PCDHGA10: variants seen among roughly 807,000 people sequenced by gnomAD.
PCDHGA10 encodes protocadherin gamma-A10.
Under a neutral mutation model 59.5 loss-of-function variants are expected in PCDHGA10, and 42 were observed. The ratio of observed to expected loss-of-function variants is 0.71; its 90% CI spans 0.55 to 0.91. PCDHGA10 has a LOEUF of 0.91. Among genes scored for constraint, PCDHGA10 ranks in the 40% least tolerant of loss-of-function variants. PCDHGA10 has a pLI of 0.00. For synonymous variants in PCDHGA10, 511 were observed against 517.2 expected, an observed-to-expected ratio of 0.99 and a Z score of 0.16; for missense variants, 1,111 against 1,198.2, an observed-to-expected ratio of 0.93 and a Z score of 1.07.
chr5:141,478,319 T>A, intron 1 of PCDHGA10: 4 of 1,614,052 alleles, frequency 2.5e-6, no homozygotes, highest in Non-Finnish European at 3.4e-6. Flanking sequence ...GAGCTCACTG[T>A]ACCGAACACC....
intron 1 of PCDHGA10, chr5:141,419,278 A>G: frequency 6.2e-7 from 1 of 1,614,038 alleles, no homozygotes; most frequent in Non-Finnish European, 8.5e-7. Context: ...CCATAGCGCA[A>G]GTCAGTGCCT....
intron 1 of PCDHGA10, among the ~76,000 whole-genome samples, chr5:141,456,968 A>AAAAC (rs202005606): frequency 1.3e-4 from 20 of 152,282 alleles, no homozygotes; most frequent in Middle Eastern, 3.4e-3. Flanking sequence ...ATCTCAAAAC[A>AAAAC]AAACAAACAA....
intron 1 of PCDHGA10, chr5:141,428,732 T>C (rs976924838): frequency 1.3e-5 from 2 of 159,284 alleles, no homozygotes; most frequent in African/African-American, 4.8e-5. Context: ...CTTAAACATA[T>C]TATATCTACT....
chr5:141,454,798 T>A (rs866302149), intron 1 of PCDHGA10, among the ~76,000 whole-genome samples: 2 of 58,950 alleles, frequency 3.4e-5, no homozygotes, highest in Non-Finnish European at 6.4e-5. Context: ...TGGTTCTAAT[T>A]TTTTTTTTTT....
intron 1 of PCDHGA10, chr5:141,427,892 C>A (rs752723370): frequency 9.9e-5 from 155 of 1,567,044 alleles, no homozygotes; most frequent in Non-Finnish European, 1.3e-4. Context: ...ACGACCAGGG[C>A]TCGCCCGCGC....
chr5:141,489,069 C>G lies in PCDHGA10; in HGVS notation c.2437-5738C>G. ...TCAAATTCAGCTCCCCTCCCCCCTGCCCACCCCCGCCACTCGGTGACTAAG... is the reference window on the plus strand; with the variant it reads ...TCAAATTCAGCTCCCCTCCCCCCTGGCCACCCCCGCCACTCGGTGACTAAG... On this transcript the variant is annotated intron_variant, in intron 1 of 3. Coordinates refer to ENST00000398610, the MANE Select transcript of PCDHGA10 (RefSeq NM_018913.3). The surrounding 1 kb of genome is among the most constrained non-coding windows in gnomAD (Gnocchi z 4.5). 6.4e-5 allele frequency: 18 copies of G among 281,056 alleles called. No homozygotes were observed. Among genetic ancestry groups the G allele is most frequent in the Middle Eastern group, 1.1e-3 (1 of 944 alleles). 17.4% of individuals were successfully genotyped at this position (281,056 alleles called of 1,614,324 possible).
At chr5:141,467,748 G>A (rs186276272) in intron 1 of PCDHGA10, among the ~76,000 whole-genome samples, 22 of 151,912 alleles carry the variant, frequency 1.4e-4, no homozygotes, top group South Asian at 2.1e-4. Context: ...TGCAACCTCC[G>A]CCTCACATGC....
intron 2 of PCDHGA10, 35 bp from the exon 3 acceptor site, chr5:141,505,358 G>A (rs1156448862): frequency 6.2e-7 from 1 of 1,613,796 alleles, no homozygotes; most frequent in Non-Finnish European, 8.5e-7. Context: ...GTGCCGGCCT[G>A]GGAGTCTGTG....
chr5:141,486,637 G>T lies in PCDHGA10; in HGVS notation c.2437-8170G>T. On this transcript the variant is annotated intron_variant, in intron 1 of 3. Coordinates refer to ENST00000398610, the MANE Select transcript of PCDHGA10 (RefSeq NM_018913.3). This position sits in a 1 kb window ranked among gnomAD's most constrained non-coding sequence, Gnocchi z 5.0. ...CTGACCCAGACTCTGGCTTGAATGCGCTTATCTCCTACTCACTCCTGGAGC... is the reference window on the plus strand; with the variant it reads ...CTGACCCAGACTCTGGCTTGAATGCTCTTATCTCCTACTCACTCCTGGAGC... 6.2e-7 allele frequency: 1 copy of T among 1,613,638 alleles called. No homozygotes were observed. The highest frequency in any genetic ancestry group is 8.5e-7 in the Non-Finnish European group (1 of 1,180,034).
chr5:141,448,565 AT>A (rs2098595794), intron 1 of PCDHGA10, among the ~76,000 whole-genome samples: 1 of 152,070 alleles, frequency 6.6e-6, no homozygotes, highest in Non-Finnish European at 1.5e-5. Flanking sequence ...ATATATTTTT[AT>A]TTCCCCATTT....
Position 141,456,470 on chromosome 5 carries a change from A to G in PCDHGA10, c.2437-38337A>G, listed in dbSNP as rs573210902. Among the ~76,000 whole-genome samples, 4 of 152,272 alleles carry G rather than the reference A, an allele frequency of 2.6e-5. No homozygotes were observed. In the East Asian group the frequency reaches 7.7e-4, roughly 29 times the overall value. On this transcript the variant is annotated intron_variant, in intron 1 of 3. Coordinates refer to ENST00000398610, the MANE Select transcript of PCDHGA10 (RefSeq NM_018913.3). ...GTCCAAATATCAATACAAGACATAT[A>G]AGCAAGAGAGTGCTTAATAAAGGGG...
intron 3 of PCDHGA10, chr5:141,508,275 T>G (rs1030431371): frequency 6.6e-6 from 1 of 152,138 alleles, no homozygotes. Context: ...ATCCCGGTCC[T>G]TGACCAAGGT....
Position 141,490,225 on chromosome 5 carries a change from G to A in PCDHGA10, c.2437-4582G>A, listed in dbSNP as rs2099697468. On this transcript the variant is annotated intron_variant, in intron 1 of 3. Coordinates refer to ENST00000398610, the MANE Select transcript of PCDHGA10 (RefSeq NM_018913.3). This position sits in a 1 kb window ranked among gnomAD's most constrained non-coding sequence, Gnocchi z 5.4. The stretch of plus-strand genomic sequence containing the variant: ...AAGAGCCCGTGACCAGGGACAGCCT[G>A]CCATGGAGGGCCACTGTGTGATTCA... The A allele has an allele frequency of 6.2e-7, 1 of 1,614,112 alleles. No homozygotes were observed. The highest frequency in any genetic ancestry group is 1.1e-5 in the South Asian group (1 of 91,090).
intron 1 of PCDHGA10, among the ~76,000 whole-genome samples, chr5:141,461,248 C>A (rs1209563726): frequency 6.6e-6 from 1 of 152,038 alleles, no homozygotes; most frequent in Non-Finnish European, 1.5e-5. Context: ...AATTTATATT[C>A]CCAGCAGCAA....
chr5:141,511,265 A>G lies in PCDHGA10; in HGVS notation c.*92A>G. On this transcript the variant is annotated 3_prime_UTR_variant, in exon 4 of 4. Coordinates refer to ENST00000398610, the MANE Select transcript of PCDHGA10 (RefSeq NM_018913.3). ...ACCCAGGCCTCAGAGTTTCAGGGCT[A>G]ACCCCCAGAATACTGGTAGGGGCCA... The G allele has an allele frequency of 6.4e-7, 1 of 1,551,730 alleles. No individual in the cohort carries two copies. Among genetic ancestry groups the G allele is most frequent in the South Asian group, 1.2e-5 (1 of 83,132 alleles).
At chr5:141,446,968 G>A (rs1052445705) in intron 1 of PCDHGA10, among the ~76,000 whole-genome samples, 12 of 152,050 alleles carry the variant, frequency 7.9e-5, no homozygotes, top group African/African-American at 2.4e-4. Flanking sequence ...AGGGAAATTT[G>A]CTGTCTAATT....
intron 1 of PCDHGA10, chr5:141,426,835 C>G (rs1038394702): frequency 6.6e-6 from 3 of 456,576 alleles, no homozygotes; most frequent in Non-Finnish European, 1.3e-5. Flanking sequence ...ATGGACAAGA[C>G]TAAAGGCAAG....
intron 1 of PCDHGA10, chr5:141,441,824 G>A (rs1561905347): frequency 5.6e-6 from 2 of 356,750 alleles, no homozygotes; most frequent in South Asian, 4.7e-5. Flanking sequence ...GCTCTGGAGC[G>A]CAATGGCTTC....
intron 2 of PCDHGA10, among the ~76,000 whole-genome samples, chr5:141,503,085 C>T (rs1284066265): frequency 6.6e-6 from 1 of 152,044 alleles, no homozygotes; most frequent in Non-Finnish European, 1.5e-5. Context: ...GATCTCCTGA[C>T]CTCGTGGTCT....
Sources: allele counts gnomAD v4.1 joint callset (sites outside exome capture counted in the v4.1 genomes callset), GRCh38; gene constraint gnomAD v4.1.1; non-coding constraint Gnocchi (gnomAD v3.1); transcripts MANE v1.5; gene names NCBI Gene and HGNC (gene_info 2026-07-23, HGNC 2026-07-21).